Variants in DYNC1H1 observed in about 807,000 individuals in gnomAD.
DYNC1H1 encodes the protein dynein cytoplasmic 1 heavy chain 1.
In DYNC1H1, 51 loss-of-function variants were observed where a neutral mutation model predicts 527.1. That is an observed-to-expected ratio of 0.10 (90% CI 0.08 to 0.12). The LOEUF (loss-of-function observed/expected upper bound fraction) is 0.12, where lower values mean the gene tolerates loss of function less well. Ranked by LOEUF, DYNC1H1 falls within the 10% of genes least tolerant of loss-of-function variation. DYNC1H1 has a pLI of 1.00. For missense variants in DYNC1H1, 2,771 were observed against 5,971.8 expected (o/e 0.46, Z 17.66); for synonymous variants, 2,189 against 2,278.8 (o/e 0.96, Z 1.12).
chr14:102,039,406 T>G lies in DYNC1H1; in HGVS notation c.11461-6T>G, dbSNP rs868383348. 6.2e-7 allele frequency: 1 copy of G among 1,614,126 alleles called. No homozygotes were observed. Among genetic ancestry groups the G allele is most frequent in the Non-Finnish European group, 8.5e-7 (1 of 1,180,056 alleles). ...TGCCTCACCGCTGCCCACTGCTTCC[T>G]TTCAGATACACTTCTTGTACCAGTA... On this transcript the variant is annotated splice_polypyrimidine_tract_variant and splice_region_variant and intron_variant, in intron 60 of 77. Transcript: ENST00000360184. The surrounding 1 kb of genome is among the most constrained non-coding windows in gnomAD (Gnocchi z 7.0).
In DYNC1H1 at chr14:101,983,691, T is replaced by G; in HGVS notation, c.1461+82T>G. ...TTTGGTGTTTTTTTTTTGTTGTTGTTGTTGAGATGAAGTTTCACTCTTGTT... is the reference window on the plus strand; with the variant it reads ...TTTGGTGTTTTTTTTTTGTTGTTGTGGTTGAGATGAAGTTTCACTCTTGTT... On this transcript the variant is annotated intron_variant, in intron 7 of 77. Transcript: ENST00000360184. This position sits in a 1 kb window ranked among gnomAD's most constrained non-coding sequence, Gnocchi z 5.3. 1 of 1,480,422 alleles carries G rather than the reference T, an allele frequency of 6.8e-7. No homozygotes were observed. Among genetic ancestry groups the G allele is most frequent in the Non-Finnish European group, 9.2e-7 (1 of 1,088,030 alleles). The allele number at this position is 1,480,422 out of a possible 1,614,324, so 91.7% of individuals were successfully genotyped here.
At chr14:102,037,809 C>T (rs533038555) in intron 57 of DYNC1H1, 2 of 154,040 alleles carry the variant, frequency 1.3e-5, no homozygotes, top group South Asian at 4.1e-4. Flanking sequence ...AGATTTGCAA[C>T]GAGATGAATT....
Position 102,018,945 on chromosome 14 carries a change from C to A in DYNC1H1, c.8343+329C>A, listed in dbSNP as rs756924878. 6.6e-6 allele frequency among the ~76,000 whole-genome samples: 1 copy of A among 152,088 alleles called. No individual in the cohort carries two copies. Among genetic ancestry groups the A allele is most frequent in the Non-Finnish European group, 1.5e-5 (1 of 68,004 alleles). Reference sequence around the variant, plus strand: ...GCCTGGGTGACAGAGTGAGACTCTACCTCAAAATAAAATGAGAAGTTTATT... The same window carrying A: ...GCCTGGGTGACAGAGTGAGACTCTAACTCAAAATAAAATGAGAAGTTTATT... On this transcript the variant is annotated intron_variant, in intron 41 of 77. Coordinates refer to ENST00000360184, the MANE Select transcript of DYNC1H1 (RefSeq NM_001376.5). This position sits in a 1 kb window ranked among gnomAD's most constrained non-coding sequence, Gnocchi z 5.2.
intron 52 of DYNC1H1, chr14:102,032,801 C>T (rs748432219): frequency 1.2e-4 from 68 of 563,134 alleles, no homozygotes; most frequent in Non-Finnish European, 1.8e-4. Context: ...TTCAGTGAAC[C>T]GAGATCACAC....
Position 102,039,341 on chromosome 14 carries a change from T to C in DYNC1H1, c.11461-71T>C. The C allele has an allele frequency of 6.2e-7, 1 of 1,612,932 alleles. No homozygotes were observed. The highest frequency in any genetic ancestry group is 1.7e-5 in the Admixed American group (1 of 60,018). ...AGGCTGGCGGGCCCTGCACAGTAGC[T>C]CCTTGGCCACGCAGAAGTTCAGCGG... is the stretch of plus-strand genomic sequence containing the variant. On this transcript the variant is annotated intron_variant, in intron 60 of 77. Coordinates refer to ENST00000360184, the MANE Select transcript of DYNC1H1 (RefSeq NM_001376.5). This position sits in a 1 kb window ranked among gnomAD's most constrained non-coding sequence, Gnocchi z 7.0.
chr14:101,971,224 C>T (rs2047735529), intron 1 of DYNC1H1, among the ~76,000 whole-genome samples: 1 of 150,620 alleles, frequency 6.6e-6, no homozygotes, highest in Non-Finnish European at 1.5e-5. Flanking sequence ...CAGACATGCA[C>T]CACCACGCTC....
At chr14:101,978,579 A>C (rs1349100747) in intron 2 of DYNC1H1, among the ~76,000 whole-genome samples, 1 of 152,210 alleles carries the variant, frequency 6.6e-6, no homozygotes, top group Non-Finnish European at 1.5e-5. Context: ...TGTTGTGTGC[A>C]AGGTGTGGCA....
At chr14:102,048,426 C>G (rs1347008377) in intron 73 of DYNC1H1, 90 bp from the exon 74 acceptor site, 1 of 1,557,118 alleles carries the variant, frequency 6.4e-7, no homozygotes, top group Non-Finnish European at 8.8e-7. Context: ...CTCTGGGGCT[C>G]TCCCCGGAGG....
Position 102,018,353 on chromosome 14 carries a change from C to G in DYNC1H1, c.8178-98C>G, listed in dbSNP as rs1337847242. ...GCATAGCTGGGTTAGGAAGCGACCT[C>G]CAGACAGGGCCCTGGACAGGGCGAC... is the stretch of plus-strand genomic sequence containing the variant. On this transcript the variant is annotated intron_variant, in intron 40 of 77. Transcript: ENST00000360184. The surrounding 1 kb of genome is among the most constrained non-coding windows in gnomAD (Gnocchi z 5.2). 2.0e-5 allele frequency: 31 copies of G among 1,531,462 alleles called. No homozygotes were observed. In the South Asian group the frequency reaches 3.3e-4, roughly 16 times the overall value. The allele number at this position is 1,531,462 out of a possible 1,614,324, so 94.9% of individuals were successfully genotyped here.
At position 102,011,959 on chromosome 14, in the gene DYNC1H1, C is replaced by T. The variant is rs2048263659; in HGVS notation, c.6703C>T (p.Arg2235Cys). 3 of 1,614,020 alleles carry T rather than the reference C, an allele frequency of 1.9e-6. No homozygotes were observed. The highest frequency in any genetic ancestry group is 2.5e-6 in the Non-Finnish European group (3 of 1,180,008). ...PSGSGKSMAW[R>C]VLLKALERLE... The stretch of plus-strand genomic sequence containing the variant: ...GGGAAGTGGGAAGAGCATGGCCTGG[C>T]GTGTCCTGCTGAAGGCATTGGAGAG... Residue 2235 changes from arginine (R) to cysteine (C), a missense_variant, in exon 33 of 78, where the codon CGT (arginine) becomes TGT (cysteine). Physicochemically the swap from Arg to Cys is radical, Grantham distance 180 (BLOSUM62 -3). This residue lies in a region of DYNC1H1 where 56 missense variants were observed against 183.8 expected (regional missense o/e 0.30). Coordinates refer to ENST00000360184, the MANE Select transcript of DYNC1H1 (RefSeq NM_001376.5). This position sits in a 1 kb window ranked among gnomAD's most constrained non-coding sequence, Gnocchi z 5.3.
chr14:102,029,527 A>G lies in DYNC1H1; in HGVS notation c.9469-12A>G, dbSNP rs1210038793. On this transcript the variant is annotated splice_polypyrimidine_tract_variant and intron_variant, in intron 48 of 77. Transcript: ENST00000360184. The surrounding 1 kb of genome is among the most constrained non-coding windows in gnomAD (Gnocchi z 5.3). Reference sequence around the variant, plus strand: ...TCCTGAAGAGTGAGAAGATGTAACTATTTTCTGAAAGGCGAATGCTCGGCT... The same window carrying G: ...TCCTGAAGAGTGAGAAGATGTAACTGTTTTCTGAAAGGCGAATGCTCGGCT... The G allele has an allele frequency of 5.0e-6, 8 of 1,613,992 alleles. No individual in the cohort carries two copies. The highest frequency in any genetic ancestry group is 1.3e-5 in the African/African-American group (1 of 74,918).
At position 101,965,207 on chromosome 14, in the gene DYNC1H1, C is replaced by T. The variant is rs1042954865; in HGVS notation, c.256+260C>T. 6.6e-6 allele frequency among the ~76,000 whole-genome samples: 1 copy of T among 152,072 alleles called. No individual in the cohort carries two copies. The highest frequency in any genetic ancestry group is 2.4e-5 in the African/African-American group (1 of 41,438). On this transcript the variant is annotated intron_variant, in intron 1 of 77. Coordinates refer to ENST00000360184, the MANE Select transcript of DYNC1H1 (RefSeq NM_001376.5). This position sits in a 1 kb window ranked among gnomAD's most constrained non-coding sequence, Gnocchi z 4.1. ...GCCCGGCCCGGAGCCCCCAGGGCGC[C>T]CCGCTCCTGGTCGCGGGGAGGGGAA...
chr14:102,039,807 TTTTATTA>T lies in DYNC1H1; in HGVS notation c.11690+79_11690+85del. 6.9e-7 allele frequency: 1 copy of T among 1,459,764 alleles called. No individual in the cohort carries two copies. Among genetic ancestry groups the T allele is most frequent in the Non-Finnish European group, 9.5e-7 (1 of 1,049,290 alleles). 90.4% of individuals were successfully genotyped at this position (1,459,764 alleles called of 1,614,324 possible). ...AAGGGTTTCATGATCAGATACATGC[TTTTATTA>T]TTTCTTTTATTTTCTCTTTTATTTT... On this transcript the variant is annotated intron_variant, in intron 62 of 77. Transcript: ENST00000360184. The surrounding 1 kb of genome is among the most constrained non-coding windows in gnomAD (Gnocchi z 7.0).
Position 102,042,838 on chromosome 14 carries a change from G to T in DYNC1H1, c.12513+90G>T, listed in dbSNP as rs570537686. 6 of 1,440,140 alleles carry T rather than the reference G, an allele frequency of 4.2e-6. No individual in the cohort carries two copies. Among genetic ancestry groups the T allele is most frequent in the Non-Finnish European group, 5.8e-6 (6 of 1,040,986 alleles). The allele number at this position is 1,440,140 out of a possible 1,614,324, so 89.2% of individuals were successfully genotyped here. On this transcript the variant is annotated intron_variant, in intron 69 of 77. Coordinates refer to ENST00000360184, the MANE Select transcript of DYNC1H1 (RefSeq NM_001376.5). This position sits in a 1 kb window ranked among gnomAD's most constrained non-coding sequence, Gnocchi z 5.7. The stretch of plus-strand genomic sequence containing the variant: ...TGCAGAAGTGGGTCCCTGGGCCCCC[G>T]GAAGTGCCGTGTGGTGAACTGCACA...
At position 102,001,447 on chromosome 14, in the gene DYNC1H1, T is replaced by G; in HGVS notation, c.4396-88T>G. 6.2e-7 allele frequency: 1 copy of G among 1,613,076 alleles called. No individual in the cohort carries two copies. ...AAAAATGGAGCCTTGTCATCTGTGGTCCTTTTGGTTCTTATAATGCTGGGT... is the reference window on the plus strand; with the variant it reads ...AAAAATGGAGCCTTGTCATCTGTGGGCCTTTTGGTTCTTATAATGCTGGGT... On this transcript the variant is annotated intron_variant, in intron 20 of 77. Coordinates refer to ENST00000360184, the MANE Select transcript of DYNC1H1 (RefSeq NM_001376.5). This position sits in a 1 kb window ranked among gnomAD's most constrained non-coding sequence, Gnocchi z 5.0.
chr14:101,986,730 C>T lies in DYNC1H1; in HGVS notation c.2505C>T (p.Arg835=). Residue 835 remains arginine, a synonymous_variant, in exon 8 of 78, where the codon CGC becomes CGT. Transcript: ENST00000360184. This position sits in a 1 kb window ranked among gnomAD's most constrained non-coding sequence, Gnocchi z 8.7. ...ESYKLDPYVQ[R]LAETVFNFQE... is the part of the protein sequence containing the mutation. ...ACAAACTTGACCCATATGTACAGCG[C>T]TTAGCAGAGACTGTCTTCAACTTCC... 1 of 1,614,188 alleles carries T rather than the reference C, an allele frequency of 6.2e-7. No homozygotes were observed. The highest frequency in any genetic ancestry group is 8.5e-7 in the Non-Finnish European group (1 of 1,180,046).
rs775189379 is a variant in DYNC1H1 at position 102,009,824 on chromosome 14, G to A, written c.5978-19G>A. Reference sequence around the variant, plus strand: ...TTTTTTTAACATTTCTAGTCTTAACGCTATCATCTCATTCTCAGCCTCTGC... The same window carrying A: ...TTTTTTTAACATTTCTAGTCTTAACACTATCATCTCATTCTCAGCCTCTGC... On this transcript the variant is annotated intron_variant, in intron 29 of 77. Transcript: ENST00000360184. 5.1e-5 allele frequency: 82 copies of A among 1,613,262 alleles called. No individual in the cohort carries two copies. The highest frequency in any genetic ancestry group is 1.6e-4 in the Middle Eastern group (1 of 6,074).
Position 102,033,792 on chromosome 14 carries a change from G to C in DYNC1H1, c.10414-184G>C. 3 of 724,840 alleles carry C rather than the reference G, an allele frequency of 4.1e-6. No homozygotes were observed. The highest frequency in any genetic ancestry group is 7.0e-6 in the Non-Finnish European group (3 of 431,310). The allele number at this position is 724,840 out of a possible 1,614,324, so 44.9% of individuals were successfully genotyped here. On this transcript the variant is annotated intron_variant, in intron 54 of 77. Transcript: ENST00000360184. The surrounding 1 kb of genome is among the most constrained non-coding windows in gnomAD (Gnocchi z 5.6). ...CCAGCTTCTGCCCCGCTGAGATTCT[G>C]AGTCGTGTGTGGTCATTAGTTATAT...
intron 5 of DYNC1H1, among the ~76,000 whole-genome samples, chr14:101,982,139 G>A (rs2047874283): frequency 6.6e-6 from 1 of 152,110 alleles, no homozygotes; most frequent in Admixed American, 6.5e-5. Flanking sequence ...TGTGAACTGC[G>A]CACGCGAGGG....
Sources: allele counts gnomAD v4.1 joint callset (sites outside exome capture counted in the v4.1 genomes callset), GRCh38; gene constraint gnomAD v4.1.1; regional missense constraint gnomAD v4.1.1; non-coding constraint Gnocchi (gnomAD v3.1); transcripts MANE v1.5; gene names NCBI Gene and HGNC (gene_info 2026-07-23, HGNC 2026-07-21).